Variants in ZBTB7C observed in about 807,000 individuals in gnomAD.
The protein encoded by ZBTB7C is zinc finger and BTB domain-containing protein 7C.
A neutral mutation model predicts 25.7 loss-of-function variants in ZBTB7C; 8 were observed. That is an observed-to-expected ratio of 0.31 (90% CI 0.18 to 0.56). ZBTB7C has a LOEUF of 0.56. Ranked by LOEUF, ZBTB7C falls within the 20% of genes least tolerant of loss-of-function variation. ZBTB7C has a pLI of 0.91. For synonymous variants in ZBTB7C, 394 were observed against 369.0 expected (o/e 1.07, Z -0.78); for missense variants, 824 against 855.2 (o/e 0.96, Z 0.46).
chr18:48,300,635 T>C (rs563050357), intron 2 of ZBTB7C, among the ~76,000 whole-genome samples: 73 of 151,756 alleles, frequency 4.8e-4, no homozygotes, highest in Non-Finnish European at 8.7e-4. Context: ...ACAAAAGACA[T>C]GCAGACAGGA....
At chr18:48,082,949 T>G (rs2038047291) in intron 3 of ZBTB7C, among the ~76,000 whole-genome samples, 1 of 152,184 alleles carries the variant, frequency 6.6e-6, no homozygotes, top group Non-Finnish European at 1.5e-5. Context: ...TTGGTTGATT[T>G]TGGACAAGTG....
rs554910062 is a variant in ZBTB7C, at chr18:48,142,898, TC to T, written c.-17+43035del. ...TCCTTTTGCTCCTCTCTCCCTTCCT[TC>T]CCTTCACAGGTATGTACTACCTATT... is the stretch of plus-strand genomic sequence containing the variant. On this transcript the variant is annotated intron_variant, in intron 3 of 4. Transcript: ENST00000590800. Among the ~76,000 whole-genome samples the T allele has an allele frequency of 1.6e-3, 229 of 146,472 alleles. 1 individual carries two copies. The highest frequency in any genetic ancestry group is 6.0e-3 in the African/African-American group (216 of 36,116).
intron 1 of ZBTB7C, among the ~76,000 whole-genome samples, chr18:48,342,787 C>A (rs1348680247): frequency 6.6e-6 from 1 of 151,940 alleles, no homozygotes; most frequent in Non-Finnish European, 1.5e-5. Context: ...TAAGTGGCTA[C>A]CCCTGGGGAG....
intron 2 of ZBTB7C, among the ~76,000 whole-genome samples, chr18:48,269,616 C>A (rs1442340159): frequency 6.6e-6 from 1 of 152,190 alleles, no homozygotes; most frequent in Non-Finnish European, 1.5e-5. Flanking sequence ...ATGAAAGCAC[C>A]ATGCTCAAAG....
chr18:48,043,971 C>T (rs952896402), intron 3 of ZBTB7C, among the ~76,000 whole-genome samples: 1 of 152,112 alleles, frequency 6.6e-6, no homozygotes, highest in Non-Finnish European at 1.5e-5. Context: ...GAGGAAGCAT[C>T]ATTTGAGCAG....
chr18:48,291,683 A>G (rs1434708068), intron 2 of ZBTB7C, among the ~76,000 whole-genome samples: 2 of 152,220 alleles, frequency 1.3e-5, no homozygotes, highest in Non-Finnish European at 2.9e-5. Context: ...GCACCAATCT[A>G]TAGCCACAGC....
rs542187881 is a variant in ZBTB7C at position 48,059,952 on chromosome 18, C to T, written c.-16-18829G>A. On this transcript the variant is annotated intron_variant, in intron 3 of 4. Transcript: ENST00000590800. ...CTTCCCCGGCTTCTTCCTCCTCCCA[C>T]TCTTTTCCAGGCAGGCAGGCTTATT... Among the ~76,000 whole-genome samples the T allele has an allele frequency of 2.0e-5, 3 of 152,312 alleles. No homozygotes were observed. The East Asian group carries it at 5.8e-4, about 29-fold the overall frequency.
intron 2 of ZBTB7C, among the ~76,000 whole-genome samples, chr18:48,293,588 C>A (rs565981184): frequency 1.3e-5 from 2 of 151,990 alleles, no homozygotes; most frequent in Non-Finnish European, 2.9e-5. Flanking sequence ...CCCAAATAGG[C>A]GCGATGGTAA....
intron 1 of ZBTB7C, among the ~76,000 whole-genome samples, chr18:48,407,679 CTAA>C (rs1352320084): frequency 2.6e-5 from 4 of 152,180 alleles, no homozygotes; most frequent in Non-Finnish European, 5.9e-5. Context: ...ATGAGTGCTC[CTAA>C]TATCTCTAGG....
intron 1 of ZBTB7C, among the ~76,000 whole-genome samples, 175 bp downstream of exon 1, chr18:48,409,049 AGG>A (rs2048347677): frequency 6.6e-6 from 1 of 150,896 alleles, no homozygotes. Flanking sequence ...CGGCGCCCCA[AGG>A]CGCGCGGACC....
chr18:48,092,365 T>TTTA, intron 3 of ZBTB7C, among the ~76,000 whole-genome samples: 2 of 152,348 alleles, frequency 1.3e-5, no homozygotes, highest in Middle Eastern at 6.8e-3. Context: ...CCCAAACCTG[T>TTTA]TTATGCCAGT....
chr18:48,372,766 C>A (rs1055010481), intron 1 of ZBTB7C, among the ~76,000 whole-genome samples: 1 of 152,118 alleles, frequency 6.6e-6, no homozygotes, highest in Non-Finnish European at 1.5e-5. Context: ...TGTCAATAAT[C>A]ATGATTCTAC....
At chr18:48,256,634 T>C (rs1009616514) in intron 2 of ZBTB7C, among the ~76,000 whole-genome samples, 33 of 151,878 alleles carry the variant, frequency 2.2e-4, no homozygotes, top group African/African-American at 7.7e-4. Flanking sequence ...TTTTAAAAGA[T>C]AATTATACAA....
chr18:48,326,437 AAC>A (rs779397055), intron 2 of ZBTB7C, among the ~76,000 whole-genome samples: 1 of 151,710 alleles, frequency 6.6e-6, no homozygotes. Flanking sequence ...TCTGTAATTA[AAC>A]ACACACACAC....
chr18:48,380,230 C>T (rs1201939337), intron 1 of ZBTB7C, among the ~76,000 whole-genome samples: 4 of 152,098 alleles, frequency 2.6e-5, no homozygotes, highest in Non-Finnish European at 5.9e-5. Context: ...ATGTATAAGA[C>T]TAAAGGCAAA....
At chr18:48,167,593 T>TGC in intron 3 of ZBTB7C, among the ~76,000 whole-genome samples, 2 of 150,800 alleles carry the variant, frequency 1.3e-5, no homozygotes, top group African/African-American at 4.9e-5. Context: ...TGTGTGTGTG[T>TGC]GTGTGCGCGC....
chr18:48,322,087 G>A (rs1042770085), intron 2 of ZBTB7C, among the ~76,000 whole-genome samples: 1 of 152,190 alleles, frequency 6.6e-6, no homozygotes, highest in Admixed American at 6.5e-5. Context: ...CCAAACAAGA[G>A]AGGCCATTTT....
chr18:48,409,973 C>G (rs895041032), upstream of ZBTB7C, among the ~76,000 whole-genome samples: 10 of 118,602 alleles, frequency 8.4e-5, no homozygotes, highest in African/African-American at 5.0e-4. Flanking sequence ...CACACCCGAC[C>G]CGGGGCAGCG....
At chr18:48,216,700 A>G (rs2042832173) in intron 2 of ZBTB7C, among the ~76,000 whole-genome samples, 1 of 151,390 alleles carries the variant, frequency 6.6e-6, no homozygotes, top group South Asian at 2.1e-4. Context: ...GTCAGCCCAC[A>G]CTCTGTGCAT....
Sources: allele counts gnomAD v4.1 joint callset (sites outside exome capture counted in the v4.1 genomes callset), GRCh38; gene constraint gnomAD v4.1.1; transcripts MANE v1.5; gene names NCBI Gene and HGNC (gene_info 2026-07-23, HGNC 2026-07-21).